The following GPI variants were observed in gnomAD, a reference collection of about 807,000 sequenced individuals.
GPI encodes D-hexose-6-phosphate anomerase.
In GPI, 56 loss-of-function variants were observed where a neutral mutation model predicts 75.8. The ratio of observed to expected loss-of-function variants is 0.74; its 90% CI spans 0.60 to 0.92. The LOEUF is 0.92. Among genes scored for constraint, GPI ranks in the 40% least tolerant of loss-of-function variants. The pLI is 0.00. For synonymous variants in GPI, 288 were observed against 285.4 expected (o/e 1.01, Z -0.09); for missense variants, 638 against 741.0 (o/e 0.86, Z 1.61).
rs754588714 is a variant in GPI, at chr19:34,393,837, C to G, written c.909+66C>G. On this transcript the variant is annotated intron_variant, in intron 11 of 17. Transcript: ENST00000356487. This position sits in a 1 kb window ranked among gnomAD's most constrained non-coding sequence, Gnocchi z 4.4. The stretch of plus-strand genomic sequence containing the variant: ...GGCGCGTGTGTTGGTCCTGGTCCCC[C>G]GCTTTCTCCCCCACTGTCCTGTCCC... 8.1e-6 allele frequency: 13 copies of G among 1,603,034 alleles called. No homozygotes were observed. Among genetic ancestry groups the G allele is most frequent in the Non-Finnish European group, 1.1e-5 (13 of 1,171,382 alleles).
intron 3 of GPI, 70 bp from the exon 4 acceptor site, chr19:34,368,513 A>G: frequency 6.4e-7 from 1 of 1,567,526 alleles, no homozygotes; most frequent in South Asian, 1.1e-5. Context: ...CTATGGCACC[A>G]TGCCCAGCTG....
upstream of GPI, among the ~76,000 whole-genome samples, chr19:34,364,243 C>T (rs1422662687): frequency 1.3e-5 from 2 of 152,022 alleles, no homozygotes; most frequent in Non-Finnish European, 2.9e-5. Flanking sequence ...TGCCCAGGCT[C>T]GGCTTGAACT....
intron 9 of GPI, among the ~76,000 whole-genome samples, chr19:34,386,989 G>T (rs532411292): frequency 1.4e-4 from 21 of 152,336 alleles, no homozygotes; most frequent in African/African-American, 5.1e-4. Flanking sequence ...GGATCTGTCT[G>T]TGAGACATGA....
chr19:34,399,016 G>A, intron 14 of GPI, 191 bp from the exon 15 acceptor site: 1 of 528,946 alleles, frequency 1.9e-6, no homozygotes, highest in South Asian at 2.0e-5. Flanking sequence ...CTGGTGTGTA[G>A]TTCTTAAAGA....
At chr19:34,361,257 A>T (rs940373399), upstream of GPI, among the ~76,000 whole-genome samples, 2 of 151,772 alleles carry the variant, frequency 1.3e-5, no homozygotes, top group Non-Finnish European at 2.9e-5. Context: ...CGTCCAGCTA[A>T]TTTTTTTGTA....
At chr19:34,377,336 A>AAAAAATATATATAT (rs2074558981) in intron 4 of GPI, among the ~76,000 whole-genome samples, 167 bp from the exon 5 acceptor site, 1 of 49,328 alleles carries the variant, frequency 2.0e-5, no homozygotes, top group Non-Finnish European at 3.2e-5. Flanking sequence ...AAAAAAAAAA[A>AAAAAATATATATAT]ATATATATAT....
At chr19:34,379,066 C>T (rs2074599532) in intron 7 of GPI, 61 bp downstream of exon 7, 4 of 1,408,878 alleles carry the variant, frequency 2.8e-6, no homozygotes, top group Non-Finnish European at 4.0e-6. Flanking sequence ...GCAGGGTGGG[C>T]CCCTGAGTGA....
At chr19:34,392,983 G>T in intron 9 of GPI, 1 of 521,390 alleles carries the variant, frequency 1.9e-6, no homozygotes, top group Non-Finnish European at 3.5e-6. Context: ...GTCTGCTGGT[G>T]TCTGCAGAGA....
rs78522905 is a variant in GPI, at chr19:34,400,350, T to C, written c.*314T>C. Reference sequence around the variant, plus strand: ...AGGAGGTTGTAGGCTCAGCCTCTGATTTTTTTTTTCCTGTGATGGTGCTTT... The same window carrying C: ...AGGAGGTTGTAGGCTCAGCCTCTGACTTTTTTTTTCCTGTGATGGTGCTTT... On this transcript the variant is annotated 3_prime_UTR_variant, in exon 18 of 18. Coordinates refer to ENST00000356487, the MANE Select transcript of GPI (RefSeq NM_000175.5). 5.7e-6 allele frequency: 3 copies of C among 526,494 alleles called. No homozygotes were observed. The highest frequency in any genetic ancestry group is 3.9e-5 in the African/African-American group (2 of 51,444). The allele number at this position is 526,494 out of a possible 1,614,324, so 32.6% of individuals were successfully genotyped here.
At chr19:34,388,283 T>A (rs942800173) in intron 9 of GPI, among the ~76,000 whole-genome samples, 1 of 152,094 alleles carries the variant, frequency 6.6e-6, no homozygotes, top group African/African-American at 2.4e-5. Context: ...TTGAGACCAG[T>A]CTGGTCAACA....
intron 4 of GPI, among the ~76,000 whole-genome samples, chr19:34,373,750 T>C (rs781517004): frequency 1.3e-5 from 2 of 152,080 alleles, no homozygotes; most frequent in Non-Finnish European, 2.9e-5. Flanking sequence ...AGTCAAGATG[T>C]TGGCTAAGGA....
chr19:34,365,507 C>T, intron 1 of GPI, 119 bp downstream of exon 1: 1 of 1,449,128 alleles, frequency 6.9e-7, no homozygotes, highest in Non-Finnish European at 9.3e-7. Flanking sequence ...ACCTCCAGGC[C>T]ACGGACTGGG....
intron 8 of GPI, chr19:34,380,768 C>T (rs1243265340): frequency 5.8e-6 from 1 of 173,114 alleles, no homozygotes; most frequent in Non-Finnish European, 1.3e-5. Flanking sequence ...CTGGGGACTA[C>T]ACCCACATCT....
At chr19:34,362,509 T>G (rs988095433), upstream of GPI, among the ~76,000 whole-genome samples, 1 of 152,124 alleles carries the variant, frequency 6.6e-6, no homozygotes, top group South Asian at 2.1e-4. Context: ...CAAAGCTGTT[T>G]CTAGGGTTCC....
chr19:34,390,604 G>A (rs1028734935), intron 9 of GPI, among the ~76,000 whole-genome samples: 1 of 151,980 alleles, frequency 6.6e-6, no homozygotes, highest in Admixed American at 6.5e-5. Context: ...ATAACAGCAG[G>A]TTACAGGTAT....
At position 34,399,901 on chromosome 19, in the gene GPI, AGT is replaced by A; in HGVS notation, c.1544_1545del (p.Val515GlyfsTer8). On this transcript the variant is annotated frameshift_variant and splice_region_variant, in exon 18 of 18. Coordinates refer to ENST00000356487, the MANE Select transcript of GPI (RefSeq NM_000175.5). LOFTEE classifies it high-confidence loss of function. ...WDINSFDQWG[V>X]ELGKQLAKKI... ...TTCCCTTCCCTTCCCTTCTTGGCAG[AGT>A]GGAGCTGGGAAAGCAGCTGGCTAAG... is the stretch of plus-strand genomic sequence containing the variant. 1 of 1,614,002 alleles carries A rather than the reference AGT, an allele frequency of 6.2e-7. No individual in the cohort carries two copies. Among genetic ancestry groups the A allele is most frequent in the Non-Finnish European group, 8.5e-7 (1 of 1,179,990 alleles).
chr19:34,385,917 AG>A (rs542173971), intron 9 of GPI, among the ~76,000 whole-genome samples: 44 of 152,256 alleles, frequency 2.9e-4, no homozygotes, highest in African/African-American at 1.0e-3. Flanking sequence ...AGTCAAACAC[AG>A]GTAGGTAGAG....
intron 4 of GPI, 96 bp downstream of exon 4, chr19:34,368,798 G>C: frequency 7.0e-7 from 1 of 1,426,518 alleles, no homozygotes; most frequent in Non-Finnish European, 9.8e-7. Flanking sequence ...TCTTCTTGTA[G>C]GCAGGACTCA....
chr19:34,365,271 C>G lies in GPI; in HGVS notation c.5C>G (p.Ala2Gly), dbSNP rs770211568. 1 of 1,574,122 alleles carries G rather than the reference C, an allele frequency of 6.4e-7. No individual in the cohort carries two copies. Among genetic ancestry groups the G allele is most frequent in the East Asian group, 2.4e-5 (1 of 40,984 alleles). The change falls in exon 1 of 18, where the codon GCC becomes GGC. Residue 2 changes from alanine to glycine, a missense_variant. Physicochemically the swap from Ala to Gly is moderately conservative, Grantham distance 60. Transcript: ENST00000356487. ...AGTGTACCTTCTAGTCCCGCCATGG[C>G]CGCTCTCACCCGGGACCCCCAGTTC... M[A>G]ALTRDPQFQK...
Sources: gnomAD v4.1 joint callset for allele counts (sites outside exome capture counted in the v4.1 genomes callset) on GRCh38, gnomAD v4.1.1 for gene constraint, Gnocchi (gnomAD v3.1) non-coding constraint, MANE v1.5 for transcripts, NCBI Gene and HGNC (gene_info 2026-07-23, HGNC 2026-07-21) for gene names.